Variants in ACP6 observed in about 807,000 individuals in gnomAD.
ACP6 encodes the protein lysophosphatidic acid phosphatase type 6.
In ACP6, 48 loss-of-function variants were observed where a neutral mutation model predicts 48.1. That is an observed-to-expected ratio of 1.00 (90% CI 0.79 to 1.27). The LOEUF (loss-of-function observed/expected upper bound fraction) is 1.27, where lower values mean the gene tolerates loss of function less well. ACP6 is among the 50% of genes most tolerant of loss of function. The probability of loss-of-function intolerance (pLI) is 0.00; values close to 1 mark genes in which losing one functional copy is unlikely to be tolerated. For missense variants in ACP6, 485 were observed against 529.1 expected (o/e 0.92, Z 0.82); for synonymous variants, 172 against 204.2 (o/e 0.84, Z 1.34).
At chr1:147,656,169 C>T (rs1238026623) in intron 4 of ACP6, among the ~76,000 whole-genome samples, 1 of 152,172 alleles carries the variant, frequency 6.6e-6, no homozygotes, top group East Asian at 1.9e-4. Context: ...ACACACACAT[C>T]GTTGGTCTGG....
Position 147,654,178 on chromosome 1 carries a change from C to G in ACP6, c.780+16G>C, listed in dbSNP as rs2148907696. On this transcript the variant is annotated intron_variant, in intron 6 of 9. Coordinates refer to ENST00000583509, the MANE Select transcript of ACP6 (RefSeq NM_016361.5). ...ACCAAGGCTATTATCCCAGGCTCCC[C>G]AACCCCAGGACTCACCTGCTCGGCA... 2 of 1,612,200 alleles carry G rather than the reference C, an allele frequency of 1.2e-6. No homozygotes were observed. Among genetic ancestry groups the G allele is most frequent in the Non-Finnish European group, 1.7e-6 (2 of 1,179,428 alleles).
downstream of ACP6, among the ~76,000 whole-genome samples, chr1:147,641,001 C>A (rs1659433455): frequency 1.3e-5 from 2 of 152,108 alleles, no homozygotes; most frequent in South Asian, 4.1e-4. Context: ...AGAGACTCAT[C>A]GCTGCCTAGC....
intron 8 of ACP6, 45 bp from the exon 9 acceptor site, chr1:147,648,456 T>G: frequency 1.9e-6 from 3 of 1,607,304 alleles, no homozygotes; most frequent in Non-Finnish European, 2.6e-6. Flanking sequence ...CTCAGGACTC[T>G]GAAGGTCAGG....
chr1:147,661,315 A>ATTT (rs34221504), intron 1 of ACP6, among the ~76,000 whole-genome samples: 9 of 149,074 alleles, frequency 6.0e-5, no homozygotes, highest in South Asian at 4.2e-4. Flanking sequence ...TGCCCAGCTA[A>ATTT]TTTTTTTTTT....
chr1:147,636,303 A>T (rs1659299128), intron 5 of ACP6, among the ~76,000 whole-genome samples: 1 of 152,222 alleles, frequency 6.6e-6, no homozygotes, highest in Non-Finnish European at 1.5e-5. Context: ...TACTAATTTA[A>T]GACAGAAAGG....
intron 9 of ACP6, chr1:147,647,847 C>T: frequency 1.9e-6 from 1 of 524,052 alleles, no homozygotes; most frequent in South Asian, 2.6e-5. Context: ...GTGCTCTGGC[C>T]TCTGCCCTGG....
intron 5 of ACP6, among the ~76,000 whole-genome samples, chr1:147,636,054 G>A (rs947645424): frequency 1.3e-5 from 2 of 152,148 alleles, no homozygotes; most frequent in African/African-American, 4.8e-5. Context: ...ATCAAAAAAG[G>A]TGAGGAAACT....
At chr1:147,666,790 C>T (rs1224922894) in intron 1 of ACP6, among the ~76,000 whole-genome samples, 3 of 152,194 alleles carry the variant, frequency 2.0e-5, no homozygotes, top group African/African-American at 4.8e-5. Context: ...TAAGAACCAT[C>T]GATCCTGAAG....
exon 6 of ACP6, chr1:147,630,438 C>G: frequency 6.6e-6 from 1 of 152,122 alleles, no homozygotes; most frequent in East Asian, 1.9e-4. Context: ...TTTCTACAGC[C>G]GAAGTTCTCT....
downstream of ACP6, among the ~76,000 whole-genome samples, chr1:147,640,642 T>C (rs782485713): frequency 3.9e-5 from 6 of 152,210 alleles, no homozygotes; most frequent in Non-Finnish European, 8.8e-5. Context: ...GTCACACAGG[T>C]AGTAGGTACA....
chr1:147,654,969 G>C (rs1660171127), intron 5 of ACP6, among the ~76,000 whole-genome samples, 192 bp downstream of exon 5: 1 of 152,196 alleles, frequency 6.6e-6, no homozygotes, highest in Admixed American at 6.5e-5. Context: ...TTCACCATGG[G>C]TCTGTCATTG....
chr1:147,635,656 AAAT>A (rs1337142338), intron 5 of ACP6, among the ~76,000 whole-genome samples: 2 of 152,160 alleles, frequency 1.3e-5, no homozygotes, highest in Non-Finnish European at 2.9e-5. Context: ...GGACAGTTGG[AAAT>A]AAGAGACAGG....
chr1:147,660,062 C>A (rs1372678702), intron 1 of ACP6, among the ~76,000 whole-genome samples: 1 of 151,962 alleles, frequency 6.6e-6, no homozygotes, highest in Non-Finnish European at 1.5e-5. Context: ...GGAGAAGTGA[C>A]CAGAATGCCT....
At position 147,654,246 on chromosome 1, in the gene ACP6, C is replaced by T. The variant is rs372223758; in HGVS notation, c.728G>A (p.Ser243Asn). Residue 243 changes from serine (S) to asparagine (N), a missense_variant, in exon 6 of 10, where the codon AGT becomes AAT. Transcript: ENST00000583509. ...KKVKDRMGID[S>N]SDKVDFFILL... ...GATGAAGAAGTCCACTTTATCACTA[C>T]TGTCAATGCCCATCCTGTCCTTCAC... 12 of 1,614,118 alleles carry T rather than the reference C, an allele frequency of 7.4e-6. No homozygotes were observed. Among genetic ancestry groups the T allele is most frequent in the Non-Finnish European group, 1.0e-5 (12 of 1,180,044 alleles).
intron 5 of ACP6, among the ~76,000 whole-genome samples, chr1:147,636,696 T>C (rs1219987517): frequency 6.6e-6 from 1 of 152,214 alleles, no homozygotes; most frequent in Non-Finnish European, 1.5e-5. Flanking sequence ...GTATGCCTAG[T>C]ATGAGTTATC....
At position 147,667,500 on chromosome 1, in the gene ACP6, G is replaced by A. The variant is rs990352426; in HGVS notation, c.219+2330C>T. 3.3e-5 allele frequency among the ~76,000 whole-genome samples: 5 copies of A among 152,214 alleles called. No individual in the cohort carries two copies. The South Asian group carries it at 8.3e-4, about 25-fold the overall frequency. ...CAAAGTGCTGGGATTACAGGCATGA[G>A]CCACCACACCCAGCCAAAACATCTA... On this transcript the variant is annotated intron_variant, in intron 1 of 9. Coordinates refer to ENST00000583509, the MANE Select transcript of ACP6 (RefSeq NM_016361.5).
exon 6 of ACP6, chr1:147,630,982 G>A (rs1268773559): frequency 6.6e-6 from 1 of 152,182 alleles, no homozygotes; most frequent in Non-Finnish European, 1.5e-5. Context: ...CTGCAATGAA[G>A]AGTAGTTTGC....
chr1:147,667,538 G>A (rs1403790626), intron 1 of ACP6, among the ~76,000 whole-genome samples: 1 of 151,904 alleles, frequency 6.6e-6, no homozygotes, highest in Admixed American at 6.6e-5. Flanking sequence ...TTTAAATCAT[G>A]CTACTTTCTG....
chr1:147,664,642 T>C, intron 1 of ACP6, among the ~76,000 whole-genome samples: 1 of 152,272 alleles, frequency 6.6e-6, no homozygotes, highest in South Asian at 2.1e-4. Flanking sequence ...TCACACACAG[T>C]AGGTACAATT....
Sources: gnomAD v4.1 joint callset for allele counts (sites outside exome capture counted in the v4.1 genomes callset) on GRCh38, gnomAD v4.1.1 for gene constraint, MANE v1.5 for transcripts, NCBI Gene and HGNC (gene_info 2026-07-23, HGNC 2026-07-21) for gene names.